Variants in SYNPO observed in about 807,000 individuals in gnomAD.
SYNPO encodes the protein synaptopodin.
SYNPO carries 19 observed loss-of-function variants against 49.5 expected under a neutral mutation model. The observed-to-expected ratio is 0.38, with a 90% CI of 0.27 to 0.56. The LOEUF is 0.56. Among genes scored for constraint, SYNPO ranks in the 20% least tolerant of loss-of-function variants. SYNPO has a pLI of 0.68. For synonymous variants in SYNPO, 536 were observed against 548.0 expected (o/e 0.98, Z 0.31); for missense variants, 1,131 against 1,248.3 (o/e 0.91, Z 1.42).
In SYNPO at chr5:150,657,428, TCTCTCACA is replaced by T. The variant is rs1428319043; in HGVS notation, c.*343_*350del. On this transcript the variant is annotated 3_prime_UTR_variant, in exon 3 of 3. Transcript: ENST00000307662. ...CACACTCTCTCTTTCTCTCTCTCTC[TCTCTCACA>T]CACACACACACACACACACACACAC... The T allele has an allele frequency of 4.1e-3, 700 of 169,190 alleles. 10 individuals carry two copies. Among genetic ancestry groups the T allele is most frequent in the East Asian group, 0.037 (310 of 8,296 alleles). 10.5% of individuals were successfully genotyped at this position (169,190 alleles called of 1,614,324 possible).
chr5:150,630,564 G>A (rs531729537), intron 2 of SYNPO, among the ~76,000 whole-genome samples: 3 of 152,156 alleles, frequency 2.0e-5, no homozygotes, highest in Admixed American at 1.3e-4. Flanking sequence ...ACTGTCACGC[G>A]CACGGAGAAC....
intron 2 of SYNPO, among the ~76,000 whole-genome samples, chr5:150,629,853 G>T (rs1757480471): frequency 6.6e-6 from 1 of 152,108 alleles, no homozygotes; most frequent in Non-Finnish European, 1.5e-5. Context: ...AGCTTCCAAG[G>T]TCGCACACCT....
intron 2 of SYNPO, among the ~76,000 whole-genome samples, chr5:150,619,722 G>A (rs1757094324): frequency 6.6e-6 from 1 of 152,164 alleles, no homozygotes; most frequent in Non-Finnish European, 1.5e-5. Context: ...TGTGCGTCAG[G>A]AAACTGAAGG....
rs1014762340 is a variant in SYNPO at position 150,620,899 on chromosome 5, C to CTTTCTTTCTT, written c.400+2133_400+2134insTTCTTTCTTT. Among the ~76,000 whole-genome samples, 18 of 108,922 alleles carry CTTTCTTTCTT rather than the reference C, an allele frequency of 1.7e-4. 1 individual carries two copies. The highest frequency in any genetic ancestry group is 1.5e-3 in the South Asian group (4 of 2,672). 71.5% of individuals were successfully genotyped at this position (108,922 alleles called of 152,430 possible). A position where few individuals can be genotyped will look rare whatever the true frequency, so the allele number is the denominator to read the frequency against. On this transcript the variant is annotated intron_variant, in intron 2 of 2. Coordinates refer to the SYNPO transcript ENST00000394243. ...TTTCTTTTTCTTTTTTTCTTTTTTT[C>CTTTCTTTCTT]TCTTTCTTTCTTTCTTTCTTTCTTT...
chr5:150,651,767 G>A lies in SYNPO; in HGVS notation c.2028+1464G>A, dbSNP rs572463826. ...TAACAGACCAACTGCATGTGTGTCT[G>A]TAGGTCTCAGTTTCCACATTCATAC... On this transcript the variant is annotated intron_variant, in intron 2 of 2. Transcript: ENST00000307662. The A allele has an allele frequency of 3.6e-5, 36 of 1,000,408 alleles. No homozygotes were observed. The East Asian group carries it at 1.7e-3, about 47-fold the overall frequency. 62.0% of individuals were successfully genotyped at this position (1,000,408 alleles called of 1,614,324 possible). A position where few individuals can be genotyped will look rare whatever the true frequency, so the allele number is the denominator to read the frequency against.
At chr5:150,622,291 T>C (rs1259397660) in intron 2 of SYNPO, among the ~76,000 whole-genome samples, 1 of 151,990 alleles carries the variant, frequency 6.6e-6, no homozygotes, top group Non-Finnish European at 1.5e-5. Context: ...CCCCAGGAGG[T>C]CTGGGCCCAT....
At chr5:150,618,160 C>A in exon 2 of SYNPO, 1 of 571,926 alleles carries the variant, frequency 1.7e-6, no homozygotes, top group Non-Finnish European at 2.9e-6. Context: ...TGGAGGTCCA[C>A]CACTCCACTA....
At chr5:150,645,381 A>C (rs1034273606) in intron 1 of SYNPO, among the ~76,000 whole-genome samples, 3 of 152,158 alleles carry the variant, frequency 2.0e-5, no homozygotes, top group Non-Finnish European at 4.4e-5. Flanking sequence ...TTTCTTAGCC[A>C]CTGATGTTGC....
chr5:150,636,545 C>A (rs1168507338), upstream of SYNPO, among the ~76,000 whole-genome samples: 1 of 152,154 alleles, frequency 6.6e-6, no homozygotes, highest in Admixed American at 6.5e-5. Flanking sequence ...GTCTTCTTTT[C>A]TTTTATAATT....
rs375476992 is a variant in SYNPO, at chr5:150,650,013, C to T, written c.1738C>T (p.Pro580Ser). ...SLFVLSPIKEPAKVSPRAASP... is the reference protein window; with the variant it reads ...SLFVLSPIKESAKVSPRAASP... The stretch of plus-strand genomic sequence containing the variant: ...CTTTGTCCTCTCACCTATCAAGGAG[C>T]CTGCCAAGGTCTCACCAAGAGCTGC... The change falls in exon 2 of 3, where the codon CCT becomes TCT. Residue 580 changes from proline to serine, a missense_variant. Transcript: ENST00000307662. 103 of 1,612,408 alleles carry T rather than the reference C, an allele frequency of 6.4e-5. No individual in the cohort carries two copies. The highest frequency in any genetic ancestry group is 8.5e-5 in the Non-Finnish European group (100 of 1,179,986).
At chr5:150,626,916 CCTT>C (rs1561642808) in intron 2 of SYNPO, among the ~76,000 whole-genome samples, 1 of 152,140 alleles carries the variant, frequency 6.6e-6, no homozygotes, top group East Asian at 1.9e-4. Context: ...ATGGGAGGAA[CCTT>C]CTTCCATCTT....
chr5:150,650,424 G>A (rs1758332007), intron 2 of SYNPO, 121 bp downstream of exon 2: 2 of 1,554,640 alleles, frequency 1.3e-6, no homozygotes, highest in Non-Finnish European at 1.7e-6. Context: ...ACAGAGCTGA[G>A]TGAGGAGAAT....
chr5:150,615,098 C>T (rs1048679677), intron 1 of SYNPO: 7 of 152,160 alleles, frequency 4.6e-5, no homozygotes, highest in African/African-American at 7.2e-5. Context: ...ATTATTGTTT[C>T]GGGTCCCGAC....
chr5:150,603,958 G>A (rs1325024934), intron 1 of SYNPO, among the ~76,000 whole-genome samples: 5 of 152,236 alleles, frequency 3.3e-5, no homozygotes, highest in East Asian at 1.9e-4. Flanking sequence ...AACCTTGTGA[G>A]TTTTGGAGTT....
chr5:150,626,108 GGCAAGGGGTTGGAAGCCTTACTGGC>G (rs141073504), intron 2 of SYNPO, among the ~76,000 whole-genome samples: 3,770 of 152,266 alleles, frequency 0.025, 146 homozygotes, highest in African/African-American at 0.085. Context: ...GGTACACTGG[GGCAAGGGGTTGGAAGCCTTACTGGC>G]GCCAGCCTGC....
intron 2 of SYNPO, 32 bp downstream of exon 2, chr5:150,650,335 G>T: frequency 1.2e-6 from 2 of 1,613,556 alleles, no homozygotes; most frequent in South Asian, 1.1e-5. Flanking sequence ...TTCAAGTAAC[G>T]AACCCCACGG....
chr5:150,595,248 G>A, the SYNPO span, among the ~76,000 whole-genome samples: 10 of 152,214 alleles, frequency 6.6e-5, no homozygotes, highest in Non-Finnish European at 1.5e-4. Flanking sequence ...AGCATGCGAT[G>A]GCATTTGGGA....
the SYNPO span, among the ~76,000 whole-genome samples, chr5:150,590,383 G>A: frequency 6.6e-6 from 1 of 152,248 alleles, no homozygotes; most frequent in East Asian, 1.9e-4. Context: ...AAGGGGATGT[G>A]GAGGCCCAGA....
chr5:150,628,754 C>CA (rs528025037), intron 2 of SYNPO, among the ~76,000 whole-genome samples: 294 of 152,224 alleles, frequency 1.9e-3, no homozygotes, highest in African/African-American at 6.5e-3. Flanking sequence ...ACTAAAAATA[C>CA]AAAATTAACC....
Sources: gnomAD v4.1 joint callset for allele counts (sites outside exome capture counted in the v4.1 genomes callset) on GRCh38, gnomAD v4.1.1 for gene constraint, MANE v1.5 for transcripts, NCBI Gene and HGNC (gene_info 2026-07-23, HGNC 2026-07-21) for gene names.